Variants in USP34 observed in about 807,000 individuals in gnomAD.
USP34 encodes the protein ubiquitin specific peptidase 34.
Under a neutral mutation model 460.3 loss-of-function variants are expected in USP34, and 70 were observed. That is an observed-to-expected ratio of 0.15 (90% CI 0.13 to 0.19). The LOEUF (loss-of-function observed/expected upper bound fraction) is 0.19, where lower values mean the gene tolerates loss of function less well. Among genes scored for constraint, USP34 ranks in the 10% least tolerant of loss-of-function variants. The probability of loss-of-function intolerance (pLI) is 1.00; values close to 1 mark genes in which losing one functional copy is unlikely to be tolerated. For missense variants in USP34, 3,985 were observed against 4,236.2 expected (o/e 0.94, Z 1.65); for synonymous variants, 1,647 against 1,405.3 (o/e 1.17, Z -3.85).
intron 1 of USP34, among the ~76,000 whole-genome samples, chr2:61,437,084 T>G (rs544136428): frequency 6.6e-6 from 1 of 152,168 alleles, no homozygotes; most frequent in Admixed American, 6.5e-5. Context: ...TAAATGCCTA[T>G]GCCAAGAAAC....
At position 61,280,291 on chromosome 2, in the gene USP34, A is replaced by G. The variant is rs1689496110; in HGVS notation, c.5209T>C (p.Leu1737=). The G allele has an allele frequency of 2.6e-6, 4 of 1,562,602 alleles. No individual in the cohort carries two copies. Among genetic ancestry groups the G allele is most frequent in the Non-Finnish European group, 3.5e-6 (4 of 1,156,110 alleles). Residue 1737 remains leucine (L), a synonymous_variant, in exon 39 of 80, where the codon TTG becomes CTG. Coordinates refer to ENST00000398571, the MANE Select transcript of USP34 (RefSeq NM_014709.4). ...LKPGCKEYFW[L]LCKLVDNIHI... ...ATGTTGTCAACTAATTTGCATAACA[A>G]CCAAAAATACTCTTTACATCCTGGT... is the stretch of plus-strand genomic sequence containing the variant.
intron 20 of USP34, 137 bp from the exon 21 acceptor site, chr2:61,325,594 A>G: frequency 2.1e-6 from 1 of 472,948 alleles, no homozygotes; most frequent in Non-Finnish European, 3.5e-6. Flanking sequence ...ATCTTTGGTT[A>G]CACGAAAGAA....
At chr2:61,190,192 A>G in intron 78 of USP34, 79 bp downstream of exon 78, 9 of 1,504,740 alleles carry the variant, frequency 6.0e-6, no homozygotes, top group Non-Finnish European at 8.0e-6. Flanking sequence ...AAGTTACGAG[A>G]GTAAAATCAT....
chr2:61,266,988 T>C (rs1192330490), intron 41 of USP34, among the ~76,000 whole-genome samples: 1 of 152,182 alleles, frequency 6.6e-6, no homozygotes, highest in African/African-American at 2.4e-5. Context: ...AGTTATCCAG[T>C]CACTATGTGC....
intron 15 of USP34, among the ~76,000 whole-genome samples, chr2:61,344,401 T>C (rs1691699367): frequency 6.6e-6 from 1 of 152,186 alleles, no homozygotes; most frequent in South Asian, 2.1e-4. Flanking sequence ...CAAAAAAACA[T>C]TTCAATTTAA....
chr2:61,425,703 G>A (rs1030828889), intron 1 of USP34, among the ~76,000 whole-genome samples: 19 of 152,026 alleles, frequency 1.2e-4, no homozygotes, highest in Non-Finnish European at 2.9e-5. Context: ...ACTCTTAACC[G>A]ATTCTTAGTA....
intron 1 of USP34, among the ~76,000 whole-genome samples, chr2:61,459,638 G>A (rs377560006): frequency 6.3e-4 from 95 of 151,920 alleles, no homozygotes; most frequent in African/African-American, 2.2e-3. Flanking sequence ...TTAGCCGAGC[G>A]TGGTGGCAGG....
Position 61,188,653 on chromosome 2 carries a change from T to G in USP34, c.10090A>C (p.Thr3364Pro), listed in dbSNP as rs763666674. The change falls in exon 80 of 80, where the codon ACT becomes CCT. Residue 3364 changes from threonine to proline, a missense_variant. Transcript: ENST00000398571. ...ATGTCACTGATGCAGCTGTCTACAG[T>G]GTGCTCCTCATCACTGCTAACACGC... is the stretch of plus-strand genomic sequence containing the variant. ...RRRVSSDEEH[T>P]VDSCISDMKT... The G allele has an allele frequency of 3.1e-6, 5 of 1,614,204 alleles. No homozygotes were observed. Among genetic ancestry groups the G allele is most frequent in the African/African-American group, 1.3e-5 (1 of 75,048 alleles).
At chr2:61,204,140 T>A in intron 74 of USP34, 116 bp downstream of exon 74, 3 of 1,361,514 alleles carry the variant, frequency 2.2e-6, no homozygotes, top group Non-Finnish European at 3.0e-6. Flanking sequence ...GAATCTAATC[T>A]TCTTAGGATC....
intron 1 of USP34, among the ~76,000 whole-genome samples, chr2:61,427,870 G>C (rs1694556650): frequency 6.6e-6 from 1 of 151,984 alleles, no homozygotes; most frequent in African/African-American, 2.4e-5. Context: ...CAAATCTAAA[G>C]AGTTTTTGGT....
chr2:61,278,289 C>T lies in USP34; in HGVS notation c.5313-4G>A, dbSNP rs761927135. 1.2e-6 allele frequency: 2 copies of T among 1,609,204 alleles called. No homozygotes were observed. The highest frequency in any genetic ancestry group is 8.5e-7 in the Non-Finnish European group (1 of 1,178,420). ...CTGATGATCAAGGATCTCCCTACTA[C>T]AAAAAAGAAAAAAAATACACACAAG... On this transcript the variant is annotated splice_region_variant and splice_polypyrimidine_tract_variant and intron_variant, in intron 40 of 79. Transcript: ENST00000398571.
chr2:61,324,466 C>T (rs1167315591), intron 21 of USP34, among the ~76,000 whole-genome samples: 6 of 152,058 alleles, frequency 3.9e-5, no homozygotes, highest in Non-Finnish European at 7.4e-5. Flanking sequence ...CAAGATTCTA[C>T]AAGCAAAAAT....
At chr2:61,243,037 G>A (rs1340196313) in intron 51 of USP34, among the ~76,000 whole-genome samples, 6 of 151,746 alleles carry the variant, frequency 4.0e-5, no homozygotes, top group Non-Finnish European at 8.8e-5. Flanking sequence ...GTAGACATGG[G>A]GTTTCACCAT....
At chr2:61,240,381 C>G (rs1004660868) in intron 53 of USP34, among the ~76,000 whole-genome samples, 4 of 151,948 alleles carry the variant, frequency 2.6e-5, no homozygotes, top group Non-Finnish European at 5.9e-5. Flanking sequence ...CAGGTTCACG[C>G]CATTCTCCTG....
chr2:61,383,181 G>A, intron 6 of USP34, 88 bp downstream of exon 6: 1 of 909,836 alleles, frequency 1.1e-6, no homozygotes, highest in South Asian at 2.2e-5. Context: ...ATGACTATAG[G>A]GGACTTTCAA....
chr2:61,200,467 A>G (rs991656574), intron 75 of USP34: 2 of 152,242 alleles, frequency 1.3e-5, no homozygotes, highest in East Asian at 1.9e-4. Flanking sequence ...GTTCTCTGCA[A>G]TTCAAATCTG....
intron 29 of USP34, among the ~76,000 whole-genome samples, chr2:61,298,364 C>CAAAAAAAAAAAAA (rs11417017): frequency 5.0e-4 from 24 of 48,020 alleles, no homozygotes; most frequent in South Asian, 1.1e-3. Context: ...TACAAAAATA[C>CAAAAAAAAAAAAA]AAAAAAAAAA....
chr2:61,287,660 T>C (rs1182045202), intron 34 of USP34, among the ~76,000 whole-genome samples: 1 of 152,252 alleles, frequency 6.6e-6, no homozygotes, highest in Non-Finnish European at 1.5e-5. Context: ...CTCTTATGAT[T>C]TTCTTAACAC....
At chr2:61,447,248 G>A (rs1177360441) in intron 1 of USP34, among the ~76,000 whole-genome samples, 2 of 82,086 alleles carry the variant, frequency 2.4e-5, no homozygotes, top group Non-Finnish European at 4.2e-5. Flanking sequence ...GAGTGAAACT[G>A]TCTTCCAAAA....
Sources: gnomAD v4.1 joint callset for allele counts (sites outside exome capture counted in the v4.1 genomes callset) on GRCh38, gnomAD v4.1.1 for gene constraint, MANE v1.5 for transcripts, NCBI Gene and HGNC (gene_info 2026-07-23, HGNC 2026-07-21) for gene names.